The following ARHGEF4 variants were observed in gnomAD, a reference collection of about 807,000 sequenced individuals.
The protein encoded by ARHGEF4 is Rho guanine nucleotide exchange factor 4, also known as APC-stimulated guanine nucleotide exchange factor 1.
A neutral mutation model predicts 162.0 loss-of-function variants in ARHGEF4; 119 were observed. That is an observed-to-expected ratio of 0.73 (90% CI 0.63 to 0.86). The LOEUF is 0.86. Ranked by LOEUF, ARHGEF4 falls within the 40% of genes least tolerant of loss-of-function variation. ARHGEF4 has a pLI of 0.00. For missense variants in ARHGEF4, 2,488 were observed against 2,456.0 expected (o/e 1.01, Z -0.28); for synonymous variants, 1,014 against 979.9 (o/e 1.03, Z -0.65).
chr2:130,968,853 G>C (rs1386656591), intron 4 of ARHGEF4, among the ~76,000 whole-genome samples: 1 of 152,200 alleles, frequency 6.6e-6, no homozygotes, highest in African/African-American at 2.4e-5. Context: ...AGGAGGCAGA[G>C]GTTGCAGTGA....
intron 1 of ARHGEF4, among the ~76,000 whole-genome samples, chr2:130,880,895 A>AATAT (rs1265549834): frequency 6.6e-6 from 1 of 152,108 alleles, no homozygotes; most frequent in African/African-American, 2.4e-5. Context: ...ATAGACTCAT[A>AATAT]ATATGAGCAG....
intron 2 of ARHGEF4, 23 bp from the exon 3 acceptor site, chr2:130,930,929 G>A (rs1682591017): frequency 1.9e-6 from 3 of 1,586,342 alleles, no homozygotes; most frequent in Non-Finnish European, 2.6e-6. Context: ...TCTGACCCCT[G>A]ACCCGTTCTC....
intron 7 of ARHGEF4, 21 bp downstream of exon 7, chr2:131,040,213 G>A: frequency 6.2e-7 from 1 of 1,608,660 alleles, no homozygotes; most frequent in Non-Finnish European, 8.5e-7. Flanking sequence ...GCCGGCGGGC[G>A]GTGACTGGGG....
At chr2:131,045,643 C>T (rs2105426152) in intron 13 of ARHGEF4, 197 bp downstream of exon 13, 1 of 1,521,878 alleles carries the variant, frequency 6.6e-7, no homozygotes, top group Non-Finnish European at 8.8e-7. Context: ...GGTTGACATT[C>T]TTACTCTCAA....
In ARHGEF4 at chr2:131,040,358, A is replaced by C. The variant is rs374174739; in HGVS notation, c.4580A>C (p.Lys1527Thr). The change falls in exon 8 of 14, where the codon AAG becomes ACG. Residue 1527 changes from lysine to threonine, a missense_variant. Transcript: ENST00000409359. ...ATCGAGGACATCTACCGCTGCCAGA[A>C]GGCCTTCGTGAAGGCCCTGGAGCAG... ...GNIEDIYRCQKAFVKALEQRF... is the reference protein window; with the variant it reads ...GNIEDIYRCQTAFVKALEQRF... 3.7e-6 allele frequency: 6 copies of C among 1,611,784 alleles called. No individual in the cohort carries two copies. Among genetic ancestry groups the C allele is most frequent in the Non-Finnish European group, 5.1e-6 (6 of 1,179,418 alleles).
chr2:130,867,841 A>G (rs1168434708), intron 1 of ARHGEF4, among the ~76,000 whole-genome samples: 2 of 151,882 alleles, frequency 1.3e-5, no homozygotes, highest in African/African-American at 4.8e-5. Context: ...TTTCCTCTGC[A>G]GAGTCCTCAG....
chr2:130,894,863 C>T (rs541562492), intron 1 of ARHGEF4, among the ~76,000 whole-genome samples: 1 of 152,214 alleles, frequency 6.6e-6, no homozygotes, highest in Admixed American at 6.5e-5. Context: ...TGCCCTCCCC[C>T]ATTAGTTTCT....
intron 1 of ARHGEF4, among the ~76,000 whole-genome samples, chr2:130,912,635 A>G (rs1681255403): frequency 6.6e-6 from 1 of 152,106 alleles, no homozygotes; most frequent in Non-Finnish European, 1.5e-5. Context: ...GCTTGTGTCA[A>G]GGAGCCTTCG....
At chr2:130,928,896 C>CCTTGCCTCT (rs1216785479) in intron 2 of ARHGEF4, among the ~76,000 whole-genome samples, 2 of 152,208 alleles carry the variant, frequency 1.3e-5, no homozygotes, top group Admixed American at 1.3e-4. Flanking sequence ...GCCTGAGCTA[C>CCTTGCCTCT]CTTGCCTCTC....
At chr2:130,839,922 A>G (rs776624665) in intron 1 of ARHGEF4, among the ~76,000 whole-genome samples, 1 of 152,122 alleles carries the variant, frequency 6.6e-6, no homozygotes, top group South Asian at 2.1e-4. Flanking sequence ...TTCCTCCAAG[A>G]CCTATTAGTG....
chr2:131,011,168 T>A (rs949562056), intron 4 of ARHGEF4, among the ~76,000 whole-genome samples: 3 of 152,236 alleles, frequency 2.0e-5, no homozygotes, highest in Non-Finnish European at 4.4e-5. Flanking sequence ...AAAATGTTTG[T>A]TGAACCTGAA....
At chr2:130,911,274 G>A (rs553781012) in intron 1 of ARHGEF4, among the ~76,000 whole-genome samples, 2 of 152,254 alleles carry the variant, frequency 1.3e-5, no homozygotes, top group East Asian at 3.9e-4. Context: ...TTGCCCTAAA[G>A]CCTCATCTAG....
intron 1 of ARHGEF4, among the ~76,000 whole-genome samples, chr2:130,900,047 T>G (rs891403369): frequency 6.6e-6 from 1 of 152,244 alleles, no homozygotes; most frequent in African/African-American, 2.4e-5. Context: ...GTTTTTCTGT[T>G]GTTGATTTCC....
At chr2:130,994,799 G>A (rs902436213) in intron 4 of ARHGEF4, among the ~76,000 whole-genome samples, 4 of 152,172 alleles carry the variant, frequency 2.6e-5, no homozygotes, top group African/African-American at 9.7e-5. Context: ...ATCTGAAAAT[G>A]CCTTTTTAAA....
chr2:130,888,061 T>G (rs1243105857), intron 1 of ARHGEF4, among the ~76,000 whole-genome samples: 1 of 152,160 alleles, frequency 6.6e-6, no homozygotes, highest in Non-Finnish European at 1.5e-5. Flanking sequence ...TTGGCTTTGT[T>G]GATCCTCTCT....
intron 4 of ARHGEF4, among the ~76,000 whole-genome samples, chr2:130,953,239 C>A (rs1574290489): frequency 6.6e-6 from 1 of 152,276 alleles, no homozygotes; most frequent in East Asian, 1.9e-4. Flanking sequence ...ACAGAGGCCT[C>A]AGAAATAACA....
At chr2:130,837,016 G>T in intron 1 of ARHGEF4, 24 bp downstream of exon 1, 1 of 1,226,954 alleles carries the variant, frequency 8.2e-7, no homozygotes. Flanking sequence ...TCCGGGACTT[G>T]CGGTCGGGCT....
chr2:130,968,956 T>G (rs1351270194), intron 4 of ARHGEF4, among the ~76,000 whole-genome samples: 1 of 152,188 alleles, frequency 6.6e-6, no homozygotes, highest in Non-Finnish European at 1.5e-5. Flanking sequence ...AAATATGAAC[T>G]ATCCATTATA....
At chr2:130,946,127 C>T (rs950147075) in intron 3 of ARHGEF4, among the ~76,000 whole-genome samples, 10 of 152,294 alleles carry the variant, frequency 6.6e-5, no homozygotes, top group South Asian at 4.1e-4. Context: ...TCACGGATTT[C>T]GTGAGTTGTG....
Sources: gnomAD v4.1 joint callset for allele counts (sites outside exome capture counted in the v4.1 genomes callset) on GRCh38, gnomAD v4.1.1 for gene constraint, MANE v1.5 for transcripts, NCBI Gene and HGNC (gene_info 2026-07-23, HGNC 2026-07-21) for gene names.